The following MECOM variants were observed in gnomAD, a reference collection of about 807,000 sequenced individuals.
The protein encoded by MECOM is MDS1 and EVI1 complex locus.
A neutral mutation model predicts 116.3 loss-of-function variants in MECOM; 13 were observed. The observed-to-expected ratio is 0.11, with a 90% confidence interval of 0.07 to 0.18. The LOEUF is 0.18. MECOM is among the 10% of genes least tolerant of loss of function. The pLI is 1.00. For synonymous variants in MECOM, 528 were observed against 535.2 expected, an observed-to-expected ratio of 0.99 and a Z score of 0.19; for missense variants, 1,299 against 1,509.0, an observed-to-expected ratio of 0.86 and a Z score of 2.31.
intron 1 of MECOM, among the ~76,000 whole-genome samples, chr3:169,437,329 T>G (rs922644884): frequency 1.3e-5 from 2 of 152,304 alleles, no homozygotes; most frequent in African/African-American, 4.8e-5. Flanking sequence ...ATCAATCTAT[T>G]AAATTGGGTC....
intron 2 of MECOM, among the ~76,000 whole-genome samples, chr3:169,234,225 G>A (rs978436823): frequency 6.6e-6 from 1 of 151,886 alleles, no homozygotes; most frequent in African/African-American, 2.4e-5. Context: ...CACCCCCACA[G>A]AGGTACTCTG....
Position 169,405,275 on chromosome 3 carries a change from C to A in MECOM, c.38-23751G>T, listed in dbSNP as rs117966294. On this transcript the variant is annotated intron_variant, in intron 1 of 16. Coordinates refer to ENST00000651503, the MANE Select transcript of MECOM (RefSeq NM_004991.4). ...TCTCTCTCTCTCTCATTAGATCTTT[C>A]TTAAACCACAAAGAGTCTCTGAGAG... is the stretch of plus-strand genomic sequence containing the variant. Among the ~76,000 whole-genome samples, 279 of 151,688 alleles carry A rather than the reference C, an allele frequency of 1.8e-3. 5 individuals carry two copies. In the East Asian group the frequency reaches 0.048, roughly 26 times the overall value.
intron 2 of MECOM, among the ~76,000 whole-genome samples, chr3:169,222,244 A>T (rs1234155866): frequency 6.6e-6 from 1 of 152,254 alleles, no homozygotes; most frequent in Non-Finnish European, 1.5e-5. Context: ...TAGCTAGCTA[A>T]TTAAAGCAAA....
intron 1 of MECOM, among the ~76,000 whole-genome samples, chr3:169,642,049 A>T (rs1773556920): frequency 6.6e-6 from 1 of 152,248 alleles, no homozygotes; most frequent in African/African-American, 2.4e-5. Flanking sequence ...ATAAATGGCA[A>T]ATAAGGCATT....
intron 1 of MECOM, among the ~76,000 whole-genome samples, chr3:169,601,475 T>C (rs536388394): frequency 6.8e-4 from 104 of 152,310 alleles, no homozygotes; most frequent in Middle Eastern, 3.4e-3. Flanking sequence ...CCAGGCCTCT[T>C]ACATGGGAAT....
At chr3:169,248,940 T>A (rs1232783954) in intron 2 of MECOM, among the ~76,000 whole-genome samples, 1 of 152,164 alleles carries the variant, frequency 6.6e-6, no homozygotes, top group African/African-American at 2.4e-5. Context: ...CAGTCTGTGG[T>A]ACTCTGTTGG....
intron 2 of MECOM, among the ~76,000 whole-genome samples, chr3:169,273,416 A>G (rs904822773): frequency 6.6e-6 from 1 of 152,170 alleles, no homozygotes; most frequent in African/African-American, 2.4e-5. Flanking sequence ...AAAAACCATC[A>G]TGCTTCCACA....
chr3:169,221,167 G>T (rs1029698801), intron 2 of MECOM, among the ~76,000 whole-genome samples: 6 of 152,142 alleles, frequency 3.9e-5, no homozygotes, highest in Non-Finnish European at 8.8e-5. Flanking sequence ...GTGTTGCAAA[G>T]ATTAACTAAA....
intron 1 of MECOM, among the ~76,000 whole-genome samples, chr3:169,573,239 C>A (rs1342822796): frequency 6.6e-6 from 1 of 152,108 alleles, no homozygotes; most frequent in East Asian, 1.9e-4. Context: ...AAAAGGCGAA[C>A]GAATGAAACT....
intron 2 of MECOM, among the ~76,000 whole-genome samples, chr3:169,368,151 T>G (rs1348510883): frequency 6.6e-6 from 1 of 152,056 alleles, no homozygotes; most frequent in Non-Finnish European, 1.5e-5. Flanking sequence ...ATTTTTTAGC[T>G]TGACAATTCT....
chr3:169,622,715 C>A (rs1192057157), intron 1 of MECOM, among the ~76,000 whole-genome samples: 1 of 152,122 alleles, frequency 6.6e-6, no homozygotes, highest in Admixed American at 6.5e-5. Flanking sequence ...GTGTGCCTGG[C>A]ACTGTGTTGG....
intron 1 of MECOM, among the ~76,000 whole-genome samples, chr3:169,625,579 T>A (rs1156865210): frequency 6.6e-6 from 1 of 152,118 alleles, no homozygotes; most frequent in Non-Finnish European, 1.5e-5. Context: ...AATAGAAACA[T>A]AAATAATAAA....
At chr3:169,638,242 C>T (rs1389623464) in intron 1 of MECOM, among the ~76,000 whole-genome samples, 1 of 152,014 alleles carries the variant, frequency 6.6e-6, no homozygotes, top group Non-Finnish European at 1.5e-5. Context: ...TTCATAAAAC[C>T]ACCTCCCTCC....
intron 1 of MECOM, among the ~76,000 whole-genome samples, chr3:169,418,778 AC>A (rs879737150): frequency 0.11 from 17,441 of 152,120 alleles, 1,236 homozygotes; most frequent in East Asian, 0.3. Flanking sequence ...TGACAAACCC[AC>A]AGCCAATATC....
At chr3:169,354,339 C>G (rs943426444) in intron 2 of MECOM, among the ~76,000 whole-genome samples, 8 of 151,796 alleles carry the variant, frequency 5.3e-5, no homozygotes, top group African/African-American at 1.7e-4. Context: ...AACCTAATGC[C>G]TACAGTTTTT....
chr3:169,189,698 A>G (rs1335672855), intron 2 of MECOM, among the ~76,000 whole-genome samples: 2 of 152,072 alleles, frequency 1.3e-5, no homozygotes, highest in Non-Finnish European at 2.9e-5. Context: ...ATGCCTTAAG[A>G]GTATGTACAC....
At chr3:169,620,064 G>A (rs911636382) in intron 1 of MECOM, among the ~76,000 whole-genome samples, 4 of 152,170 alleles carry the variant, frequency 2.6e-5, no homozygotes, top group African/African-American at 4.8e-5. Context: ...ATAGCCATCC[G>A]AGCCGAAGCA....
At position 169,198,856 on chromosome 3, in the gene MECOM, A is replaced by G. The variant is rs534613416; in HGVS notation, c.376-55024T>C. Among the ~76,000 whole-genome samples the G allele has an allele frequency of 8.5e-5, 13 of 152,162 alleles. No individual in the cohort carries two copies. The East Asian group carries it at 1.9e-3, about 23-fold the overall frequency. The stretch of plus-strand genomic sequence containing the variant: ...GCATTTTAGTGTGCTACGGTAACAA[A>G]TAATTGGGACATAATTTAATTTGGG... On this transcript the variant is annotated intron_variant, in intron 2 of 16. Coordinates refer to ENST00000651503, the MANE Select transcript of MECOM (RefSeq NM_004991.4).
intron 1 of MECOM, among the ~76,000 whole-genome samples, chr3:169,516,772 G>T (rs534461847): frequency 6.6e-6 from 1 of 152,136 alleles, no homozygotes; most frequent in Non-Finnish European, 1.5e-5. Context: ...AGATATGAGC[G>T]TCTTCCTGGG....
Sources: allele counts gnomAD v4.1 joint callset (sites outside exome capture counted in the v4.1 genomes callset), GRCh38; gene constraint gnomAD v4.1.1; transcripts MANE v1.5; gene names NCBI Gene and HGNC (gene_info 2026-07-23, HGNC 2026-07-21).